RPA1: variants seen among roughly 807,000 people sequenced by gnomAD.
The protein encoded by RPA1 is replication protein A 70 kDa DNA-binding subunit.
A neutral mutation model predicts 83.0 loss-of-function variants in RPA1; 49 were observed. That is an observed-to-expected ratio of 0.59 (90% CI 0.47 to 0.75). The LOEUF is 0.75. Among genes scored for constraint, RPA1 ranks in the 30% least tolerant of loss-of-function variants. The pLI is 0.00. For missense variants in RPA1, 693 were observed against 776.1 expected, an observed-to-expected ratio of 0.89 and a Z score of 1.27; for synonymous variants, 279 against 281.8, an observed-to-expected ratio of 0.99 and a Z score of 0.10.
chr17:1,877,185 C>T (rs369200380), intron 7 of RPA1, 27 bp from the exon 8 acceptor site: 221 of 1,596,712 alleles, frequency 1.4e-4, no homozygotes, highest in Non-Finnish European at 1.8e-4. Flanking sequence ...AGACCCCATA[C>T]ACTAATATGA....
intron 1 of RPA1, among the ~76,000 whole-genome samples, chr17:1,831,501 A>T (rs1323911731): frequency 6.6e-6 from 1 of 151,254 alleles, no homozygotes; most frequent in African/African-American, 2.4e-5. Context: ...CATCCACAGC[A>T]TACTCTCAGC....
chr17:1,875,779 T>C lies in RPA1; in HGVS notation c.573T>C (p.Thr191=), dbSNP rs774049765. The C allele has an allele frequency of 3.7e-6, 6 of 1,613,540 alleles. No individual in the cohort carries two copies. Among genetic ancestry groups the C allele is most frequent in the Non-Finnish European group, 5.1e-6 (6 of 1,179,844 alleles). ...QSKVVPIASL[T]PYQSKWTICA... Reference sequence around the variant, plus strand: ...AAGTGGTGCCCATTGCCAGCCTCACTCCTTACCAGTCCAAGTGAGTTGTTG... The same window carrying C: ...AAGTGGTGCCCATTGCCAGCCTCACCCCTTACCAGTCCAAGTGAGTTGTTG... Residue 191 remains threonine (T), a synonymous_variant, in exon 7 of 17, where the codon ACT becomes ACC. Transcript: ENST00000254719.
chr17:1,872,589 G>A (rs1426450028), intron 6 of RPA1, 63 bp downstream of exon 6: 1 of 1,580,350 alleles, frequency 6.3e-7, no homozygotes, highest in East Asian at 2.3e-5. Context: ...ATGTTTTGAA[G>A]TTGAATCTGG....
intron 4 of RPA1, among the ~76,000 whole-genome samples, chr17:1,847,033 A>C (rs1912290411): frequency 6.6e-6 from 1 of 152,130 alleles, no homozygotes. Flanking sequence ...TTATTTTGCC[A>C]ATCGCTTTTG....
At chr17:1,845,174 G>C (rs1027930526) in intron 4 of RPA1, among the ~76,000 whole-genome samples, 35 of 151,734 alleles carry the variant, frequency 2.3e-4, no homozygotes, top group Non-Finnish European at 1.3e-4. Flanking sequence ...GTGTGTGTGT[G>C]TGTGTGTGTG....
At chr17:1,832,922 G>GTGTTTGTT (rs201795072) in intron 1 of RPA1, among the ~76,000 whole-genome samples, 1 of 151,636 alleles carries the variant, frequency 6.6e-6, no homozygotes, top group Non-Finnish European at 1.5e-5. Flanking sequence ...TAAAATTATT[G>GTGTTTGTT]TGTTTGTTTG....
intron 12 of RPA1, among the ~76,000 whole-genome samples, chr17:1,882,024 G>A (rs1357534362): frequency 6.6e-6 from 1 of 150,980 alleles, no homozygotes; most frequent in African/African-American, 2.4e-5. Context: ...CCGCTTACCT[G>A]ACAGGAGAAG....
intron 16 of RPA1, among the ~76,000 whole-genome samples, chr17:1,896,343 C>T (rs530725589): frequency 2.6e-5 from 4 of 152,278 alleles, no homozygotes; most frequent in Admixed American, 2.0e-4. Flanking sequence ...CCGTTCTGCC[C>T]GGAAAGGCAC....
chr17:1,835,309 C>G (rs1911772096), intron 1 of RPA1, among the ~76,000 whole-genome samples: 1 of 151,968 alleles, frequency 6.6e-6, no homozygotes, highest in Admixed American at 6.6e-5. Flanking sequence ...CCACCATGCC[C>G]AGCTAATTTT....
At chr17:1,862,172 G>C (rs371802608) in intron 5 of RPA1, among the ~76,000 whole-genome samples, 56 of 149,754 alleles carry the variant, frequency 3.7e-4, no homozygotes, top group African/African-American at 1.3e-3. Context: ...GATTACAGGC[G>C]TGAGCCACCG....
In RPA1 at chr17:1,872,429, T is replaced by A. The variant is rs1489170654; in HGVS notation, c.362-5T>A. 2 of 1,613,778 alleles carry A rather than the reference T, an allele frequency of 1.2e-6. No individual in the cohort carries two copies. Among genetic ancestry groups the A allele is most frequent in the Non-Finnish European group, 1.7e-6 (2 of 1,179,960 alleles). ...CTAAAACGGGGTTTCCCTTTTGATC[T>A]TCAGGACTCGGGCAGCCGCAAGTAG... On this transcript the variant is annotated splice_polypyrimidine_tract_variant and splice_region_variant and intron_variant, in intron 5 of 16. Transcript: ENST00000254719.
intron 8 of RPA1, 110 bp downstream of exon 8, chr17:1,877,424 C>T (rs914165085): frequency 2.3e-5 from 21 of 913,886 alleles, no homozygotes; most frequent in Middle Eastern, 3.1e-4. Context: ...CTCAGCTCTG[C>T]GGAGGGCAGT....
chr17:1,872,057 A>G (rs1302417477), intron 5 of RPA1: 5 of 226,028 alleles, frequency 2.2e-5, no homozygotes, highest in East Asian at 9.4e-5. Flanking sequence ...TGCCGTGAAC[A>G]CACGGTTCTG....
At chr17:1,881,960 T>C (rs1186786478) in intron 12 of RPA1, among the ~76,000 whole-genome samples, 1 of 152,204 alleles carries the variant, frequency 6.6e-6, no homozygotes, top group African/African-American at 2.4e-5. Context: ...CTTGTGTAGC[T>C]AGTAGTGGTG....
At chr17:1,853,241 A>G (rs1386817969) in intron 5 of RPA1, 52 bp downstream of exon 5, 1 of 1,335,918 alleles carries the variant, frequency 7.5e-7, no homozygotes, top group African/African-American at 1.4e-5. Flanking sequence ...CTCTTTATAT[A>G]TTCGGAGTTC....
intron 7 of RPA1, 53 bp from the exon 8 acceptor site, chr17:1,877,159 T>C: frequency 1.3e-6 from 2 of 1,517,140 alleles, no homozygotes; most frequent in African/African-American, 2.7e-5. Context: ...ATTTCTTACT[T>C]GATCTTTTCC....
chr17:1,892,945 C>T lies in RPA1; in HGVS notation c.1659+1005C>T, dbSNP rs753517695. Among the ~76,000 whole-genome samples the T allele has an allele frequency of 5.9e-5, 9 of 152,296 alleles. No homozygotes were observed. In the South Asian group the frequency reaches 1.7e-3, roughly 28 times the overall value. Reference sequence around the variant, plus strand: ...TTTTCTGGGCCACATAAATGGGCACCTTTCTGTAGATGGCTTTTCCCCCGA... The same window carrying T: ...TTTTCTGGGCCACATAAATGGGCACTTTTCTGTAGATGGCTTTTCCCCCGA... On this transcript the variant is annotated intron_variant, in intron 15 of 16. Transcript: ENST00000254719.
chr17:1,880,575 G>A lies in RPA1; in HGVS notation c.1125G>A (p.Val375=). The change falls in exon 12 of 17, where the codon GTG becomes GTA. Residue 375 remains valine (V), a synonymous_variant. Coordinates refer to ENST00000254719, the MANE Select transcript of RPA1 (RefSeq NM_002945.5). ...AATTTGATGGTTCTAGACAGCCCGT[G>A]TTGGCTATCAAAGGAGCCCGAGTCT... ...ADKFDGSRQP[V]LAIKGARVSD... is the part of the protein sequence containing the mutation. The A allele has an allele frequency of 6.2e-7, 1 of 1,614,098 alleles. No homozygotes were observed. Among genetic ancestry groups the A allele is most frequent in the Non-Finnish European group, 8.5e-7 (1 of 1,180,010 alleles).
At chr17:1,855,010 C>CT (rs890881174) in intron 5 of RPA1, among the ~76,000 whole-genome samples, 21 of 152,104 alleles carry the variant, frequency 1.4e-4, no homozygotes, top group Non-Finnish European at 2.8e-4. Context: ...TTCTTAGAGT[C>CT]TTTTTATCAG....
Sources: allele counts gnomAD v4.1 joint callset (sites outside exome capture counted in the v4.1 genomes callset), GRCh38; gene constraint gnomAD v4.1.1; transcripts MANE v1.5; gene names NCBI Gene and HGNC (gene_info 2026-07-23, HGNC 2026-07-21).